Variants in SH3GL3 observed in about 807,000 individuals in gnomAD.
SH3GL3 encodes the protein endophilin-A3.
A neutral mutation model predicts 47.7 loss-of-function variants in SH3GL3; 33 were observed. The ratio of observed to expected loss-of-function variants is 0.69; its 90% CI spans 0.52 to 0.92. SH3GL3 has a LOEUF of 0.92. Ranked by LOEUF, SH3GL3 falls within the 40% of genes least tolerant of loss-of-function variation. SH3GL3 has a pLI of 0.00. For missense variants in SH3GL3, 363 were observed against 417.8 expected (o/e 0.87, Z 1.14); for synonymous variants, 155 against 148.8 (o/e 1.04, Z -0.30).
chr15:83,493,852 G>A (rs1419030135), intron 1 of SH3GL3, among the ~76,000 whole-genome samples: 2 of 152,190 alleles, frequency 1.3e-5, no homozygotes, highest in Non-Finnish European at 2.9e-5. Flanking sequence ...ATTCTAGTGG[G>A]ATATCCAAGA....
In SH3GL3 at chr15:83,504,520, G is replaced by A. The variant is rs141788426; in HGVS notation, c.46-54733G>A. 1.2e-4 allele frequency among the ~76,000 whole-genome samples: 19 copies of A among 152,334 alleles called. No homozygotes were observed. In the East Asian group the frequency reaches 3.1e-3, roughly 25 times the overall value. On this transcript the variant is annotated intron_variant, in intron 1 of 8. Transcript: ENST00000427482. Reference sequence around the variant, plus strand: ...ATCTTGGGCTTGCTCACTCTCTCATGGATGAATCACTCTGGGGGAAGCCAG... The same window carrying A: ...ATCTTGGGCTTGCTCACTCTCTCATAGATGAATCACTCTGGGGGAAGCCAG...
Position 83,447,913 on chromosome 15 carries a change from G to A in SH3GL3, c.45+335G>A, listed in dbSNP as rs1187754764. Among the ~76,000 whole-genome samples, 1 of 152,144 alleles carries A rather than the reference G, an allele frequency of 6.6e-6. No homozygotes were observed. Among genetic ancestry groups the A allele is most frequent in the Non-Finnish European group, 1.5e-5 (1 of 68,006 alleles). Reference sequence around the variant, plus strand: ...GGGGCCCCTACCCGCGCGAGGGGAGGACGACCACAGGGAGTACGATGCCGG... The same window carrying A: ...GGGGCCCCTACCCGCGCGAGGGGAGAACGACCACAGGGAGTACGATGCCGG... On this transcript the variant is annotated intron_variant, in intron 1 of 8. Transcript: ENST00000427482. The surrounding 1 kb of genome is among the most constrained non-coding windows in gnomAD (Gnocchi z 5.1).
At chr15:83,551,990 G>A (rs1267303004) in intron 1 of SH3GL3, among the ~76,000 whole-genome samples, 3 of 151,984 alleles carry the variant, frequency 2.0e-5, no homozygotes, top group African/African-American at 7.3e-5. Flanking sequence ...ATCCTACTAG[G>A]CTTTGTTCTG....
At chr15:83,502,069 A>C (rs2042319980) in intron 1 of SH3GL3, among the ~76,000 whole-genome samples, 1 of 152,378 alleles carries the variant, frequency 6.6e-6, no homozygotes, top group African/African-American at 2.4e-5. Context: ...AATAATATAA[A>C]GTTTTAATCA....
chr15:83,568,408 C>G (rs2045656403), intron 3 of SH3GL3, 121 bp from the exon 4 acceptor site: 1 of 679,550 alleles, frequency 1.5e-6, no homozygotes. Context: ...TGTTTCAGGC[C>G]TCAGGTCTCT....
At chr15:83,463,458 T>G (rs2040405191) in intron 1 of SH3GL3, among the ~76,000 whole-genome samples, 1 of 152,214 alleles carries the variant, frequency 6.6e-6, no homozygotes, top group Non-Finnish European at 1.5e-5. Flanking sequence ...TTACTATAGC[T>G]GTGCTATGGT....
intron 1 of SH3GL3, among the ~76,000 whole-genome samples, chr15:83,536,521 G>C (rs933022630): frequency 4.0e-5 from 6 of 150,908 alleles, no homozygotes; most frequent in South Asian, 4.2e-4. Flanking sequence ...TCCTGTCTCA[G>C]CCTCCTGAGT....
At chr15:83,535,002 C>T (rs571961929) in intron 1 of SH3GL3, among the ~76,000 whole-genome samples, 1 of 152,194 alleles carries the variant, frequency 6.6e-6, no homozygotes, top group Admixed American at 6.5e-5. Flanking sequence ...GGGAACTTTA[C>T]TTCTTAATTC....
chr15:83,486,462 T>TTTATATGA (rs1317762399), intron 1 of SH3GL3, among the ~76,000 whole-genome samples: 1 of 152,246 alleles, frequency 6.6e-6, no homozygotes, highest in African/African-American at 2.4e-5. Context: ...ATTTACTTAT[T>TTTATATGA]CTGGATATTT....
At chr15:83,460,060 C>CCCTCCCTCCCTG (rs2040210492) in intron 1 of SH3GL3, among the ~76,000 whole-genome samples, 1 of 51,796 alleles carries the variant, frequency 1.9e-5, no homozygotes, top group Non-Finnish European at 3.8e-5. Context: ...CTCCCTGCCT[C>CCCTCCCTCCCTG]CCTCCCTCCC....
At chr15:83,625,065 C>A in the SH3GL3 span, among the ~76,000 whole-genome samples, 3 of 152,152 alleles carry the variant, frequency 2.0e-5, 1 homozygote, top group South Asian at 6.2e-4. Context: ...TCAAGACCAG[C>A]CTGGCCAAGA....
chr15:83,456,163 C>T (rs1236389674), intron 1 of SH3GL3, among the ~76,000 whole-genome samples: 1 of 72,878 alleles, frequency 1.4e-5, no homozygotes, highest in Non-Finnish European at 2.9e-5. Context: ...GCAGTCTGCC[C>T]GTTCTCAGAT....
chr15:83,609,450 C>T, intron 8 of SH3GL3: 1 of 397,098 alleles, frequency 2.5e-6, no homozygotes, highest in Non-Finnish European at 5.0e-6. Flanking sequence ...TACTAAAAGA[C>T]AAAGAGCCCT....
At chr15:83,467,061 T>C (rs914001573) in intron 1 of SH3GL3, among the ~76,000 whole-genome samples, 5 of 152,242 alleles carry the variant, frequency 3.3e-5, no homozygotes, top group Admixed American at 6.5e-5. Context: ...TGAAGTCCAA[T>C]TTAAGAATTT....
chr15:83,544,502 T>C, intron 1 of SH3GL3, among the ~76,000 whole-genome samples: 1 of 152,124 alleles, frequency 6.6e-6, no homozygotes, highest in African/African-American at 2.4e-5. Context: ...CTGATGTTTC[T>C]TTATTGAAAT....
intron 1 of SH3GL3, among the ~76,000 whole-genome samples, chr15:83,522,569 A>G (rs747978092): frequency 6.6e-6 from 1 of 152,212 alleles, no homozygotes; most frequent in South Asian, 2.1e-4. Context: ...CATGGTCACA[A>G]TACTGTTACT....
At chr15:83,550,598 C>T (rs928172866) in intron 1 of SH3GL3, among the ~76,000 whole-genome samples, 1 of 152,076 alleles carries the variant, frequency 6.6e-6, no homozygotes, top group Non-Finnish European at 1.5e-5. Context: ...CCATGTTGGC[C>T]AGGCTGGTCT....
At chr15:83,459,315 C>T (rs1456739789) in intron 1 of SH3GL3, among the ~76,000 whole-genome samples, 1 of 152,350 alleles carries the variant, frequency 6.6e-6, no homozygotes, top group Middle Eastern at 3.4e-3. Context: ...CTTACAGACA[C>T]ACCCAGAAAC....
At chr15:83,512,572 G>A (rs2042807495) in intron 1 of SH3GL3, among the ~76,000 whole-genome samples, 1 of 152,094 alleles carries the variant, frequency 6.6e-6, no homozygotes, top group South Asian at 2.1e-4. Context: ...GAATTGGAAA[G>A]GTCCTCTTTG....
Sources: gnomAD v4.1 joint callset for allele counts (sites outside exome capture counted in the v4.1 genomes callset) on GRCh38, gnomAD v4.1.1 for gene constraint, Gnocchi (gnomAD v3.1) non-coding constraint, MANE v1.5 for transcripts, NCBI Gene and HGNC (gene_info 2026-07-23, HGNC 2026-07-21) for gene names.